The following TOM1L2 variants were observed in gnomAD, a reference collection of about 807,000 sequenced individuals.
TOM1L2 encodes the protein TOM1-like protein 2.
Under a neutral mutation model 67.9 loss-of-function variants are expected in TOM1L2, and 31 were observed. The ratio of observed to expected loss-of-function variants is 0.46; its 90% CI spans 0.34 to 0.62. The LOEUF (loss-of-function observed/expected upper bound fraction) is 0.62. Among genes scored for constraint, TOM1L2 ranks in the 20% least tolerant of loss-of-function variants. The pLI is 0.01. For synonymous variants in TOM1L2, 256 were observed against 254.0 expected (o/e 1.01, Z -0.07); for missense variants, 606 against 663.5 (o/e 0.91, Z 0.95).
intron 1 of TOM1L2, among the ~76,000 whole-genome samples, chr17:17,970,329 G>T (rs1255636624): frequency 6.6e-6 from 1 of 152,090 alleles, no homozygotes; most frequent in African/African-American, 2.4e-5. Context: ...CTCCCAAAGT[G>T]CTGAGATTAC....
intron 2 of TOM1L2, among the ~76,000 whole-genome samples, chr17:17,902,225 G>T (rs2038890667): frequency 6.6e-6 from 1 of 152,122 alleles, no homozygotes; most frequent in African/African-American, 2.4e-5. Context: ...TATTCAGTCA[G>T]CCACTCCTGG....
intron 1 of TOM1L2, among the ~76,000 whole-genome samples, chr17:17,915,944 T>C (rs186562872): frequency 1.7e-4 from 26 of 152,140 alleles, no homozygotes; most frequent in Admixed American, 1.7e-3. Flanking sequence ...CTTGATTGTA[T>C]CTTTTAATGC....
At chr17:17,869,228 A>G in intron 8 of TOM1L2, 112 bp downstream of exon 8, 1 of 1,545,752 alleles carries the variant, frequency 6.5e-7, no homozygotes, top group Non-Finnish European at 8.7e-7. Context: ...GTATTTTCCA[A>G]CTCTAATCTC....
rs778138312 is a variant in TOM1L2 at position 17,845,039 on chromosome 17, G to C, written c.*2596C>G. 2.0e-5 allele frequency: 3 copies of C among 152,468 alleles called. No homozygotes were observed. Among genetic ancestry groups the C allele is most frequent in the Non-Finnish European group, 4.4e-5 (3 of 68,062 alleles). 9.4% of individuals were successfully genotyped at this position (152,468 alleles called of 1,614,324 possible). On this transcript the variant is annotated 3_prime_UTR_variant, in exon 15 of 15. Coordinates refer to ENST00000379504, the MANE Select transcript of TOM1L2 (RefSeq NM_001082968.2). Reference sequence around the variant, plus strand: ...GCCTAAGGACTGTGCTCCCCAGATGGTGGGGTCTGGGAGCAGAGATCTCAG... The same window carrying C: ...GCCTAAGGACTGTGCTCCCCAGATGCTGGGGTCTGGGAGCAGAGATCTCAG...
chr17:17,886,500 C>T (rs2038008205), intron 4 of TOM1L2, among the ~76,000 whole-genome samples: 1 of 152,258 alleles, frequency 6.6e-6, no homozygotes, highest in African/African-American at 2.4e-5. Context: ...CCACCTGGTT[C>T]AAAATCCAGC....
chr17:17,958,089 C>CA (rs777316694), intron 1 of TOM1L2, among the ~76,000 whole-genome samples: 3,174 of 111,134 alleles, frequency 0.029, 43 homozygotes, highest in East Asian at 0.076. Context: ...GACTCTGTCT[C>CA]AAAAAAAAAA....
In TOM1L2 at chr17:17,972,349, G is replaced by C. The variant is rs761489869; in HGVS notation, c.-36C>G. The C allele has an allele frequency of 1.9e-6, 3 of 1,548,710 alleles. No homozygotes were observed. Among genetic ancestry groups the C allele is most frequent in the South Asian group, 2.4e-5 (2 of 83,956 alleles). ...CAACACGCAGCGGCCCGGGCCCCCT[G>C]TCTGCCACCTAGGCCTCCGCTGTAA... On this transcript the variant is annotated 5_prime_UTR_variant, in exon 1 of 15. Transcript: ENST00000379504.
At chr17:17,917,173 A>T (rs11078404) in intron 1 of TOM1L2, among the ~76,000 whole-genome samples, 74,744 of 151,338 alleles carry the variant, frequency 0.49, 19,584 homozygotes, top group East Asian at 0.86. Flanking sequence ...AAATTAAAAA[A>T]TTTAAAAAAT....
chr17:17,878,035 G>A (rs2037513732), intron 7 of TOM1L2, among the ~76,000 whole-genome samples: 1 of 152,224 alleles, frequency 6.6e-6, no homozygotes, highest in Admixed American at 6.5e-5. Context: ...CCCCCTGTCA[G>A]CAGGAATTCC....
At chr17:17,924,191 T>C (rs901440176) in intron 1 of TOM1L2, among the ~76,000 whole-genome samples, 30 of 152,084 alleles carry the variant, frequency 2.0e-4, no homozygotes, top group African/African-American at 7.2e-4. Context: ...ATTCCATTTA[T>C]ATAAAATGTC....
intron 10 of TOM1L2, among the ~76,000 whole-genome samples, 180 bp downstream of exon 10, chr17:17,866,116 G>C (rs917261606): frequency 2.6e-5 from 4 of 152,044 alleles, no homozygotes; most frequent in Admixed American, 2.6e-4. Flanking sequence ...CAAATTTAGG[G>C]GGAAAAAAGG....
At chr17:17,868,327 C>T in intron 8 of TOM1L2, among the ~76,000 whole-genome samples, 1 of 152,166 alleles carries the variant, frequency 6.6e-6, no homozygotes, top group Admixed American at 6.5e-5. Context: ...TGAGACAAGG[C>T]CCAAGGCTGT....
intron 13 of TOM1L2, among the ~76,000 whole-genome samples, chr17:17,850,310 G>C (rs1418658907): frequency 6.6e-6 from 1 of 152,144 alleles, no homozygotes; most frequent in African/African-American, 2.4e-5. Context: ...CCTTTCTTGG[G>C]ACCTGTTGCC....
At chr17:17,885,175 G>C (rs538640785) in intron 4 of TOM1L2, among the ~76,000 whole-genome samples, 1 of 152,244 alleles carries the variant, frequency 6.6e-6, no homozygotes, top group African/African-American at 2.4e-5. Flanking sequence ...CCCTCTGTGC[G>C]GGAGCACCTC....
At chr17:17,926,633 C>T (rs2040095465) in intron 1 of TOM1L2, among the ~76,000 whole-genome samples, 1 of 151,922 alleles carries the variant, frequency 6.6e-6, no homozygotes, top group Non-Finnish European at 1.5e-5. Flanking sequence ...GAGGCCGAGG[C>T]GGGCGGATTG....
intron 4 of TOM1L2, among the ~76,000 whole-genome samples, chr17:17,891,784 CGTGTGT>C (rs374192888): frequency 4.6e-4 from 66 of 143,218 alleles, no homozygotes; most frequent in South Asian, 1.6e-3. Flanking sequence ...TGCATGCACA[CGTGTGT>C]GTGTGTGTGT....
chr17:17,904,623 G>C (rs555019495), intron 2 of TOM1L2, among the ~76,000 whole-genome samples: 1 of 152,244 alleles, frequency 6.6e-6, no homozygotes, highest in South Asian at 2.1e-4. Context: ...GCAGCAGGAA[G>C]GGGTAGGAGG....
chr17:17,938,163 G>A (rs187145970), intron 1 of TOM1L2, among the ~76,000 whole-genome samples: 30 of 152,284 alleles, frequency 2.0e-4, no homozygotes, highest in Non-Finnish European at 4.0e-4. Flanking sequence ...TGAGAGGGAG[G>A]CAGTTAGATC....
In TOM1L2 at chr17:17,905,560, A is replaced by G. The variant is rs1272658036; in HGVS notation, c.137+1887T>C. On this transcript the variant is annotated intron_variant, in intron 2 of 14. Transcript: ENST00000379504. ...TCTTTCTTCTTTTTTCTTTTTAGAG[A>G]CAGGGTCTTACTCTGTCGCCCAGGC... Among the ~76,000 whole-genome samples, 6 of 152,128 alleles carry G rather than the reference A, an allele frequency of 3.9e-5. No individual in the cohort carries two copies. In the East Asian group the frequency reaches 1.2e-3, roughly 29 times the overall value.
Sources: allele counts gnomAD v4.1 joint callset (sites outside exome capture counted in the v4.1 genomes callset), GRCh38; gene constraint gnomAD v4.1.1; transcripts MANE v1.5; gene names NCBI Gene and HGNC (gene_info 2026-07-23, HGNC 2026-07-21).